The following SPTAN1 variants were observed in gnomAD, a reference collection of about 807,000 sequenced individuals.
SPTAN1 encodes spectrin alpha, non-erythrocytic 1.
Under a neutral mutation model 331.3 loss-of-function variants are expected in SPTAN1, and 61 were observed. The ratio of observed to expected loss-of-function variants is 0.18; its 90% CI spans 0.15 to 0.23. The LOEUF (loss-of-function observed/expected upper bound fraction) is 0.23, where lower values mean the gene tolerates loss of function less well. SPTAN1 is among the 10% of genes least tolerant of loss of function. The pLI, the probability that SPTAN1 is intolerant of heterozygous loss-of-function variation, is 1.00. For synonymous variants in SPTAN1, 1,153 were observed against 1,173.9 expected, an observed-to-expected ratio of 0.98 and a Z score of 0.36; for missense variants, 2,043 against 3,147.9, an observed-to-expected ratio of 0.65 and a Z score of 8.40.
In SPTAN1 at chr9:128,598,945, TTCTC is replaced by T; in HGVS notation, c.3520-11_3520-8del. 3 of 1,612,464 alleles carry T rather than the reference TTCTC, an allele frequency of 1.9e-6. No homozygotes were observed. Among genetic ancestry groups the T allele is most frequent in the Non-Finnish European group, 2.5e-6 (3 of 1,178,486 alleles). On this transcript the variant is annotated splice_polypyrimidine_tract_variant and intron_variant, in intron 25 of 56. Transcript: ENST00000372739. ...TATTTCTTCTAATAATAAAACTGGT[TTCTC>T]TCTCTCCTTGTAGGAAGTGTATGGC...
intron 21 of SPTAN1, among the ~76,000 whole-genome samples, chr9:128,589,675 A>C (rs1258512381): frequency 6.7e-6 from 1 of 148,210 alleles, no homozygotes; most frequent in Non-Finnish European, 1.5e-5. Context: ...TCCCAGGTTC[A>C]CGCCATTCTC....
At chr9:128,602,344 GTA>G (rs530123587) in intron 27 of SPTAN1, among the ~76,000 whole-genome samples, 92 of 151,508 alleles carry the variant, frequency 6.1e-4, no homozygotes, top group African/African-American at 2.2e-3. Context: ...AGCCTCCCGT[GTA>G]GCTAGGATTA....
rs199720383 is a variant in SPTAN1, at chr9:128,584,432, G to A, written c.2344G>A (p.Asp782Asn). The change falls in exon 17 of 57, where the codon GAT becomes AAT. Residue 782 changes from aspartate (D) to asparagine (N), a missense_variant. Asp to Asn is a conservative substitution (Grantham distance 23, BLOSUM62 1). Transcript: ENST00000372739. ...GGTTGCCCGGAAGCAGAAGCTGGCCGATTCTCTGCGGTTGCAGCAGCTCTT... is the reference window on the plus strand; with the variant it reads ...GGTTGCCCGGAAGCAGAAGCTGGCCAATTCTCTGCGGTTGCAGCAGCTCTT... ...PMVARKQKLA[D>N]SLRLQQLFRD... The A allele has an allele frequency of 3.1e-4, 497 of 1,614,144 alleles. No homozygotes were observed. Among genetic ancestry groups the A allele is most frequent in the Non-Finnish European group, 3.9e-4 (455 of 1,180,034 alleles).
Position 128,627,339 on chromosome 9 carries a change from G to A in SPTAN1, c.6577-47G>A. ...GCCCATCTGTGAAGGAGGGGCTGGT[G>A]TCACTGCCACAGCAGCGCACAGCAT... On this transcript the variant is annotated intron_variant, in intron 49 of 56. Transcript: ENST00000372739. This position sits in a 1 kb window ranked among gnomAD's most constrained non-coding sequence, Gnocchi z 4.9. 6.6e-7 allele frequency: 1 copy of A among 1,514,870 alleles called. No individual in the cohort carries two copies. The highest frequency in any genetic ancestry group is 9.0e-7 in the Non-Finnish European group (1 of 1,114,788). 93.8% of individuals were successfully genotyped at this position (1,514,870 alleles called of 1,614,324 possible).
chr9:128,632,749 C>T lies in SPTAN1; in HGVS notation c.7160+31C>T, dbSNP rs1162905735. 7 of 1,613,936 alleles carry T rather than the reference C, an allele frequency of 4.3e-6. No homozygotes were observed. In the Admixed American group the frequency reaches 1.2e-4, roughly 27 times the overall value. On this transcript the variant is annotated intron_variant, in intron 55 of 56. Coordinates refer to ENST00000372739, the MANE Select transcript of SPTAN1 (RefSeq NM_001130438.3). ...TTAATTAAGGCCAGGTGCTGTGAGC[C>T]TCTGCCCGGGGCACCCACCTGCCCT...
intron 22 of SPTAN1, 109 bp downstream of exon 22, chr9:128,591,734 G>C (rs1853561922): frequency 7.2e-7 from 1 of 1,386,460 alleles, no homozygotes; most frequent in African/African-American, 1.4e-5. Context: ...CCACCTGCAC[G>C]CCTCCTGCTG....
At chr9:128,618,850 C>G in intron 43 of SPTAN1, 21 bp from the exon 44 acceptor site, 1 of 1,614,102 alleles carries the variant, frequency 6.2e-7, no homozygotes, top group Non-Finnish European at 8.5e-7. Context: ...GGCTGATTTT[C>G]TTCCTGTCTC....
At chr9:128,624,551 C>G in intron 46 of SPTAN1, 64 bp downstream of exon 46, 1 of 1,581,678 alleles carries the variant, frequency 6.3e-7, no homozygotes. Flanking sequence ...CCTTCCGTGT[C>G]ATTGGTTTTC....
intron 21 of SPTAN1, among the ~76,000 whole-genome samples, chr9:128,590,547 T>TAAAAA (rs766776858): frequency 2.0e-4 from 21 of 104,178 alleles, no homozygotes; most frequent in African/African-American, 7.4e-4. Flanking sequence ...CTATTTATAT[T>TAAAAA]AAAAAAGAAA....
rs777632874 is a variant in SPTAN1, at chr9:128,623,622, ATTTTTTTT to A, written c.5833-691_5833-684del. Among the ~76,000 whole-genome samples the A allele has an allele frequency of 3.7e-3, 434 of 117,120 alleles. 8 individuals carry two copies. The East Asian group carries it at 0.05, about 13-fold the overall frequency. 76.8% of individuals were successfully genotyped at this position (117,120 alleles called of 152,430 possible). A position where few individuals can be genotyped will look rare whatever the true frequency, so the allele number is the denominator to read the frequency against. On this transcript the variant is annotated intron_variant, in intron 45 of 56. Transcript: ENST00000372739. The stretch of plus-strand genomic sequence containing the variant: ...AGATGAGTGCCACCAAACCTGGCTA[ATTTTTTTT>A]TTTTTTTTTTTTTTGTATTTTTTAG...
In SPTAN1 at chr9:128,566,005, G is replaced by A. The variant is rs1001206133; in HGVS notation, c.-3-733G>A. Among the ~76,000 whole-genome samples, 6 of 152,284 alleles carry A rather than the reference G, an allele frequency of 3.9e-5. No homozygotes were observed. The East Asian group carries it at 5.8e-4, about 15-fold the overall frequency. ...CTGACAAATTCAGAAGCTTTTTGGC[G>A]TTAATCTGTATCTGTTTCCTTCTGT... On this transcript the variant is annotated intron_variant, in intron 1 of 56. Coordinates refer to ENST00000372739, the MANE Select transcript of SPTAN1 (RefSeq NM_001130438.3).
intron 45 of SPTAN1, chr9:128,622,119 C>G (rs368867002): frequency 6.6e-6 from 1 of 152,290 alleles, no homozygotes; most frequent in African/African-American, 2.4e-5. Flanking sequence ...CTTCCTTGCT[C>G]TGATCTGCAA....
intron 21 of SPTAN1, among the ~76,000 whole-genome samples, chr9:128,590,831 C>A (rs1206539563): frequency 6.6e-6 from 1 of 151,744 alleles, no homozygotes; most frequent in African/African-American, 2.4e-5. Flanking sequence ...AGCCTGGCAA[C>A]AGAGCAAGAC....
chr9:128,581,486 A>AC (rs918445922), intron 11 of SPTAN1, among the ~76,000 whole-genome samples: 2 of 150,598 alleles, frequency 1.3e-5, no homozygotes, highest in African/African-American at 4.9e-5. Flanking sequence ...AAAAAAAAAA[A>AC]AACAAACAAA....
At chr9:128,603,461 C>A in intron 27 of SPTAN1, 82 bp from the exon 28 acceptor site, 1 of 1,498,678 alleles carries the variant, frequency 6.7e-7, no homozygotes, top group Non-Finnish European at 9.3e-7. Flanking sequence ...ATCACAGGGA[C>A]CTAATCAATG....
intron 1 of SPTAN1, among the ~76,000 whole-genome samples, chr9:128,561,303 C>T (rs1283231298): frequency 5.5e-5 from 8 of 146,670 alleles, no homozygotes; most frequent in Non-Finnish European, 1.0e-4. Flanking sequence ...ACCCTGGAGG[C>T]GGAGGTTGCA....
intron 9 of SPTAN1, among the ~76,000 whole-genome samples, chr9:128,579,377 G>A (rs1023759133): frequency 2.0e-5 from 3 of 152,156 alleles, no homozygotes; most frequent in African/African-American, 7.2e-5. Context: ...AGAGAGCTCA[G>A]ACCCATGTGA....
intron 34 of SPTAN1, 50 bp downstream of exon 34, chr9:128,608,326 A>G (rs759969257): frequency 4.3e-6 from 7 of 1,612,248 alleles, no homozygotes; most frequent in Non-Finnish European, 5.9e-6. Context: ...CCTGATTGAC[A>G]TCTGTTTCTT....
intron 37 of SPTAN1, 130 bp downstream of exon 37, chr9:128,609,795 AATC>A: frequency 1.6e-6 from 1 of 620,608 alleles, no homozygotes; most frequent in East Asian, 3.0e-5. Context: ...TTTCATTTCT[AATC>A]ATCCATTACA....
Sources: gnomAD v4.1 joint callset for allele counts (sites outside exome capture counted in the v4.1 genomes callset) on GRCh38, gnomAD v4.1.1 for gene constraint, Gnocchi (gnomAD v3.1) non-coding constraint, MANE v1.5 for transcripts, NCBI Gene and HGNC (gene_info 2026-07-23, HGNC 2026-07-21) for gene names.